Variants in LANCL3 observed in about 807,000 individuals in gnomAD.
LANCL3 encodes the protein LanC like family member 3, also known as lanC-like protein 3.
In LANCL3, 19 loss-of-function variants were observed where a neutral mutation model predicts 26.5. The ratio of observed to expected loss-of-function variants is 0.72; its 90% CI spans 0.50 to 1.05. The LOEUF (loss-of-function observed/expected upper bound fraction) is 1.05, where lower values mean the gene tolerates loss of function less well. Ranked by LOEUF, LANCL3 falls within the 50% of genes least tolerant of loss-of-function variation. The pLI, the probability that LANCL3 is intolerant of heterozygous loss-of-function variation, is 0.00. For synonymous variants in LANCL3, 160 were observed against 166.6 expected, an observed-to-expected ratio of 0.96 and a Z score of 0.30; for missense variants, 318 against 362.7, an observed-to-expected ratio of 0.88 and a Z score of 1.00.
rs182637152 is a variant in LANCL3 at position 37,633,324 on chromosome X, A to G, written c.574-22364A>G. Among the ~76,000 whole-genome samples the G allele has an allele frequency of 3.9e-3, 429 of 110,822 alleles. 1 individual carries two copies. The highest frequency in any genetic ancestry group is 0.013 in the African/African-American group (408 of 30,413). The stretch of plus-strand genomic sequence containing the variant: ...TCAGCTCCGGTTATTCTAGTTATAC[A>G]TTCGTCTAAATTTTTTTCAAAGTTT... On this transcript the variant is annotated intron_variant, in intron 1 of 4. Transcript: ENST00000378619.
chrX:37,619,897 C>T (rs782212743), intron 1 of LANCL3, among the ~76,000 whole-genome samples: 3 of 112,329 alleles, frequency 2.7e-5, no homozygotes, highest in Non-Finnish European at 1.9e-5. Context: ...TTGCTTTTCT[C>T]TATCCCAATC....
chrX:37,618,636 TGC>T (rs1925072784), intron 1 of LANCL3, among the ~76,000 whole-genome samples: 1 of 110,660 alleles, frequency 9.0e-6, no homozygotes, highest in African/African-American at 3.3e-5. Flanking sequence ...TGTAGATCTC[TGC>T]CTTCATCTTC....
intron 4 of LANCL3, chrX:37,668,275 ATCC>A: frequency 6.1e-6 from 1 of 164,585 alleles, no homozygotes; most frequent in African/African-American, 3.3e-5. Context: ...ATATATATAT[ATCC>A]TAGTTATATA....
chrX:37,625,723 C>G (rs146322383), intron 1 of LANCL3, among the ~76,000 whole-genome samples: 1,526 of 108,970 alleles, frequency 0.014, 27 homozygotes, highest in African/African-American at 0.047. Context: ...TTTTTTTTTT[C>G]CTGTTTGAGC....
chrX:37,573,701 G>T (rs1322270924), intron 1 of LANCL3, among the ~76,000 whole-genome samples: 1 of 111,803 alleles, frequency 8.9e-6, no homozygotes, highest in African/African-American at 3.3e-5. Context: ...CATTTGCATT[G>T]CATTTGCATC....
chrX:37,589,336 G>T (rs1924205600), intron 1 of LANCL3, among the ~76,000 whole-genome samples: 1 of 111,560 alleles, frequency 9.0e-6, no homozygotes, highest in Non-Finnish European at 1.9e-5. Context: ...AAGTTATTTA[G>T]CATCTCTGAG....
chrX:37,657,543 T>A (rs1342965060), intron 2 of LANCL3, among the ~76,000 whole-genome samples: 1 of 53,142 alleles, frequency 1.9e-5, no homozygotes, highest in African/African-American at 2.6e-4. Flanking sequence ...TTATCTTTAA[T>A]TTTTTTTTTT....
chrX:37,657,542 A>AT lies in LANCL3; in HGVS notation c.697+1749dup, dbSNP rs34071239. Among the ~76,000 whole-genome samples, 518 of 92,454 alleles carry AT rather than the reference A, an allele frequency of 5.6e-3. 2 individuals are homozygous for AT. Among genetic ancestry groups the AT allele is most frequent in the East Asian group, 0.024 (70 of 2,860 alleles). The allele number at this position is 92,454 out of a possible 115,157, so 80.3% of individuals were successfully genotyped here. On this transcript the variant is annotated intron_variant, in intron 2 of 4. Transcript: ENST00000378619. ...ATGCCTGGTCAAATTTTTATCTTTAATTTTTTTTTTTTTTTTTTATAGAGA... is the reference window on the plus strand; with the variant it reads ...ATGCCTGGTCAAATTTTTATCTTTAATTTTTTTTTTTTTTTTTTTATAGAGA...
intron 1 of LANCL3, among the ~76,000 whole-genome samples, chrX:37,625,086 T>C (rs782287800): frequency 1.8e-5 from 2 of 111,509 alleles, no homozygotes; most frequent in Non-Finnish European, 3.8e-5. Flanking sequence ...GGAGAGCTCA[T>C]TGACTATGGC....
At chrX:37,589,942 G>A (rs1419957118) in intron 1 of LANCL3, among the ~76,000 whole-genome samples, 1 of 112,128 alleles carries the variant, frequency 8.9e-6, no homozygotes, top group Non-Finnish European at 1.9e-5. Flanking sequence ...AATTGAGTGG[G>A]CATCACCCCT....
chrX:37,673,580 G>T (rs782524027), intron 4 of LANCL3, among the ~76,000 whole-genome samples: 1 of 110,752 alleles, frequency 9.0e-6, no homozygotes, highest in Non-Finnish European at 1.9e-5. Flanking sequence ...GTTTAATTTT[G>T]CACCACTGGA....
At chrX:37,577,983 T>C (rs1172973989) in intron 1 of LANCL3, among the ~76,000 whole-genome samples, 2 of 111,766 alleles carry the variant, frequency 1.8e-5, no homozygotes, top group Non-Finnish European at 3.8e-5. Context: ...AGTGGAAAAC[T>C]AGGCCACTCC....
rs927810110 is a variant in LANCL3, at chrX:37,677,340, T to G, written c.*1527T>G. On this transcript the variant is annotated 3_prime_UTR_variant, in exon 5 of 5. Transcript: ENST00000378619. Reference sequence around the variant, plus strand: ...ATGTGTATGGACCAGTTTGTTTGTGTGTGTGTGTGCTCATTTTGAGGGGAC... The same window carrying G: ...ATGTGTATGGACCAGTTTGTTTGTGGGTGTGTGTGCTCATTTTGAGGGGAC... The G allele has an allele frequency of 2.0e-4, 22 of 111,542 alleles. No individual in the cohort carries two copies. Among genetic ancestry groups the G allele is most frequent in the African/African-American group, 7.2e-4 (22 of 30,654 alleles). The allele number at this position is 111,542 out of a possible 1,213,427, so 9.2% of individuals were successfully genotyped here.
chrX:37,639,772 G>A (rs1556425742), intron 1 of LANCL3, among the ~76,000 whole-genome samples: 3 of 111,647 alleles, frequency 2.7e-5, no homozygotes, highest in African/African-American at 9.8e-5. Flanking sequence ...ATGAGTGTCT[G>A]ATTCTTCTCT....
chrX:37,613,395 A>T (rs1378765193), intron 1 of LANCL3, among the ~76,000 whole-genome samples: 1 of 111,120 alleles, frequency 9.0e-6, no homozygotes, highest in African/African-American at 3.3e-5. Flanking sequence ...TTTCTTTTTA[A>T]ATTTTTTATT....
chrX:37,653,172 T>G (rs1351262803), intron 1 of LANCL3, among the ~76,000 whole-genome samples: 1 of 110,699 alleles, frequency 9.0e-6, no homozygotes, highest in African/African-American at 3.3e-5. Flanking sequence ...TTTTATAAAC[T>G]CATTCCCTAT....
chrX:37,628,587 T>C (rs1464083524), intron 1 of LANCL3, among the ~76,000 whole-genome samples: 122 of 73,173 alleles, frequency 1.7e-3, no homozygotes, highest in African/African-American at 6.2e-3. Flanking sequence ...CCTAATGCTA[T>C]CCCTCCCCCC....
chrX:37,582,178 A>G (rs1436983691), intron 1 of LANCL3, among the ~76,000 whole-genome samples: 1 of 112,006 alleles, frequency 8.9e-6, no homozygotes, highest in Non-Finnish European at 1.9e-5. Flanking sequence ...AATCCAGTCT[A>G]TCATTGATGG....
chrX:37,644,961 G>T (rs969248292), intron 1 of LANCL3, among the ~76,000 whole-genome samples: 14 of 112,267 alleles, frequency 1.2e-4, no homozygotes, highest in Non-Finnish European at 2.6e-4. Flanking sequence ...GTTGGGAACT[G>T]CTTTTTCATA....
Sources: gnomAD v4.1 joint callset for allele counts (sites outside exome capture counted in the v4.1 genomes callset) on GRCh38, gnomAD v4.1.1 for gene constraint, MANE v1.5 for transcripts, NCBI Gene and HGNC (gene_info 2026-07-23, HGNC 2026-07-21) for gene names.